The following ERCC2 variants were observed in gnomAD, a reference collection of about 807,000 sequenced individuals.
The protein encoded by ERCC2 is ERCC excision repair 2, TFIIH core complex helicase subunit.
A neutral mutation model predicts 99.4 loss-of-function variants in ERCC2; 90 were observed. That is an observed-to-expected ratio of 0.91 (90% CI 0.76 to 1.08). ERCC2 has a LOEUF of 1.08. Among genes scored for constraint, ERCC2 ranks in the 50% least tolerant of loss-of-function variants. The probability of loss-of-function intolerance (pLI) is 0.00; values close to 1 mark genes in which losing one functional copy is unlikely to be tolerated. For missense variants in ERCC2, 993 were observed against 1,038.1 expected (o/e 0.96, Z 0.60); for synonymous variants, 497 against 432.4 (o/e 1.15, Z -1.85).
In ERCC2 at chr19:45,353,112, C is replaced by T. The variant is rs140522180; in HGVS notation, c.1802G>A (p.Arg601Gln). The T allele has an allele frequency of 3.2e-4, 509 of 1,613,290 alleles. No homozygotes were observed. The highest frequency in any genetic ancestry group is 4.1e-4 in the Non-Finnish European group (478 of 1,179,836). The change falls in exon 19 of 23, where the codon CGG becomes CAG. Residue 601 changes from arginine (R) to glutamine (Q), a missense_variant. Arg to Gln is a conservative substitution (Grantham distance 43). Coordinates refer to ENST00000391945, the MANE Select transcript of ERCC2 (RefSeq NM_000400.4). ...GRGAILLSVA[R>Q]GKVSEGIDFV... ...GTCGATTCCCTCGGACACTTTGCCC[C>T]GGGCCACTGACAGCAGGATGGCCCC...
At chr19:45,360,810 C>A (rs931786884) in intron 12 of ERCC2, among the ~76,000 whole-genome samples, 1 of 152,036 alleles carries the variant, frequency 6.6e-6, no homozygotes, top group African/African-American at 2.4e-5. Flanking sequence ...TGAGCCACTG[C>A]GTTCAGCACC....
rs1205150950 is a variant in ERCC2, at chr19:45,351,159, T to G, written c.*470A>C. ...AAGAGACCCAGGACAGGAGCAAAGA[T>G]GGGTTTTACTTGGGGTAGAGGCGAG... On this transcript the variant is annotated 3_prime_UTR_variant, in exon 23 of 23. Coordinates refer to ENST00000391945, the MANE Select transcript of ERCC2 (RefSeq NM_000400.4). 6.3e-7 allele frequency: 1 copy of G among 1,590,420 alleles called. No individual in the cohort carries two copies. Among genetic ancestry groups the G allele is most frequent in the East Asian group, 2.2e-5 (1 of 44,640 alleles).
intron 7 of ERCC2, 95 bp from the exon 8 acceptor site, chr19:45,364,642 G>T: frequency 6.4e-7 from 1 of 1,561,328 alleles, no homozygotes; most frequent in Non-Finnish European, 8.7e-7. Flanking sequence ...ACACAGGCCT[G>T]CACAGGCAGA....
chr19:45,353,341 AAGGACCCAGGGAGGTCAGGGTGGGTTC>A lies in ERCC2; in HGVS notation c.1666-34_1666-8del, dbSNP rs1335692983. On this transcript the variant is annotated splice_polypyrimidine_tract_variant and splice_region_variant and intron_variant, in intron 17 of 22. Coordinates refer to ENST00000391945, the MANE Select transcript of ERCC2 (RefSeq NM_000400.4). ...GGATGTTCTCAAGGATCCCCTGGGG[AAGGACCCAGGGAGGTCAGGGTGGGTTC>A]AGGGCACAGCCATCCTGGTTACATC... is the stretch of plus-strand genomic sequence containing the variant. 6.2e-7 allele frequency: 1 copy of A among 1,609,836 alleles called. No individual in the cohort carries two copies. The highest frequency in any genetic ancestry group is 1.1e-5 in the South Asian group (1 of 90,730).
At chr19:45,354,975 T>C in intron 16 of ERCC2, 124 bp from the exon 17 acceptor site, 3 of 1,192,898 alleles carry the variant, frequency 2.5e-6, no homozygotes, top group Admixed American at 1.8e-5. Context: ...CATATCCCCC[T>C]CCTCCTCCTC....
At chr19:45,355,535 G>T in intron 16 of ERCC2, 130 bp downstream of exon 16, 3 of 873,386 alleles carry the variant, frequency 3.4e-6, no homozygotes, top group East Asian at 2.5e-5. Context: ...CGTGTACCAC[G>T]GGCAAGAAGG....
chr19:45,358,566 G>GC (rs1445793846), intron 12 of ERCC2: 3 of 439,962 alleles, frequency 6.8e-6, no homozygotes, highest in African/African-American at 6.0e-5. Context: ...GCCTCCAGTG[G>GC]CCTGGTGCCT....
chr19:45,368,844 C>G, intron 4 of ERCC2, 86 bp downstream of exon 4: 1 of 1,575,786 alleles, frequency 6.3e-7, no homozygotes, highest in Middle Eastern at 1.7e-4. Context: ...CAAACACCCC[C>G]GAAAGCTGGT....
Position 45,364,567 on chromosome 19 carries a change from G to A in ERCC2, c.595-20C>T. On this transcript the variant is annotated intron_variant, in intron 7 of 22. Coordinates refer to ENST00000391945, the MANE Select transcript of ERCC2 (RefSeq NM_000400.4). Reference sequence around the variant, plus strand: ...CAGGATCTGGGGGGCCGGGGAGCAGGGTTACCAGGGCCCTGCCACCCCAAC... The same window carrying A: ...CAGGATCTGGGGGGCCGGGGAGCAGAGTTACCAGGGCCCTGCCACCCCAAC... The A allele has an allele frequency of 1.9e-6, 3 of 1,611,458 alleles. No homozygotes were observed. The highest frequency in any genetic ancestry group is 2.5e-6 in the Non-Finnish European group (3 of 1,179,944).
At chr19:45,357,148 C>A in intron 15 of ERCC2, 122 bp downstream of exon 15, 3 of 701,058 alleles carry the variant, frequency 4.3e-6, no homozygotes, top group South Asian at 1.7e-5. Context: ...CTGTCTGAAT[C>A]CCGAACCCAG....
rs200438494 is a variant in ERCC2, at chr19:45,352,537, G to A, written c.2015C>T (p.Thr672Met). Reference protein sequence around the residue: ...QCVGRAIRGKTDYGLMVFADK... With the variant: ...QCVGRAIRGKMDYGLMVFADK... Reference sequence around the variant, plus strand: ...GGCAAAGACCATGAGGCCGTAGTCCGTCTTGCCCCTGATGGCCCGACCCAC... The same window carrying A: ...GGCAAAGACCATGAGGCCGTAGTCCATCTTGCCCCTGATGGCCCGACCCAC... The change falls in exon 21 of 23, where the codon ACG becomes ATG. Residue 672 changes from threonine to methionine, a missense_variant. By Grantham distance (81) the Thr-to-Met change is moderately conservative. Around this residue, in one of 3 missense-constraint regions of ERCC2, gnomAD observed 909 missense variants for 930.8 expected, o/e 0.98. Transcript: ENST00000391945. 3.1e-5 allele frequency: 50 copies of A among 1,614,036 alleles called. No individual in the cohort carries two copies. Among genetic ancestry groups the A allele is most frequent in the African/African-American group, 9.3e-5 (7 of 74,940 alleles).
chr19:45,354,018 G>A (rs3916872), intron 17 of ERCC2, among the ~76,000 whole-genome samples: 7 of 152,160 alleles, frequency 4.6e-5, no homozygotes, highest in Admixed American at 6.5e-5. Flanking sequence ...CGTGGAAGCC[G>A]CCTATTGAAG....
chr19:45,361,110 A>G (rs1304498283), intron 12 of ERCC2, among the ~76,000 whole-genome samples: 1 of 150,776 alleles, frequency 6.6e-6, no homozygotes, highest in South Asian at 2.1e-4. Context: ...CAGCCTGGCA[A>G]CAGAGCAAGA....
intron 22 of ERCC2, 129 bp from the exon 23 acceptor site, chr19:45,351,850 C>A: frequency 1.2e-6 from 1 of 822,828 alleles, no homozygotes; most frequent in Non-Finnish European, 2.0e-6. Flanking sequence ...TGGAGATGTC[C>A]GTATAATCCA....
rs373292179 is a variant in ERCC2 at position 45,368,944 on chromosome 19, G to A, written c.232C>T (p.Pro78Ser). ...TCCCAGCTTACCTTCTCAATCTCTG[G>A]CACAGTTCTTGAGCAGTAGATGAGT... ...TKLIYCSRTV[P>S]EIEKVIEELR... The change falls in exon 4 of 23, where the codon CCA (proline) becomes TCA (serine). Residue 78 changes from proline to serine, a missense_variant. Pro to Ser is a moderately conservative substitution (Grantham distance 74). Transcript: ENST00000391945. 4.3e-6 allele frequency: 7 copies of A among 1,614,148 alleles called. No individual in the cohort carries two copies. In the African/African-American group the frequency reaches 8.0e-5, roughly 18 times the overall value.
intron 1 of ERCC2, 39 bp from the exon 2 acceptor site, chr19:45,370,271 A>G (rs749098818): frequency 1.1e-5 from 17 of 1,608,146 alleles, no homozygotes; most frequent in Non-Finnish European, 1.4e-5. Flanking sequence ...CCGTCCCCTC[A>G]GCCCCTCTCC....
rs773359656 is a variant in ERCC2 at position 45,352,646 on chromosome 19, G to A, written c.1906C>T (p.Arg636Trp). 1.8e-5 allele frequency: 29 copies of A among 1,613,934 alleles called. No individual in the cohort carries two copies. The highest frequency in any genetic ancestry group is 5.5e-5 in the South Asian group (5 of 91,082). Reference sequence around the variant, plus strand: ...AACTGGTCCCGCAGGTATTCCAGCCGCGCCTGCAGATACGGAGGATGAGAA... The same window carrying A: ...AACTGGTCCCGCAGGTATTCCAGCCACGCCTGCAGATACGGAGGATGAGAA... ...VYTQSRILKARLEYLRDQFQI... is the reference protein window; with the variant it reads ...VYTQSRILKAWLEYLRDQFQI... Residue 636 changes from arginine (R) to tryptophan (W), a missense_variant, in exon 21 of 23, where the codon CGG becomes TGG. Physicochemically the swap from Arg to Trp is moderately radical, Grantham distance 101. Coordinates refer to ENST00000391945, the MANE Select transcript of ERCC2 (RefSeq NM_000400.4).
chr19:45,355,440 C>T (rs1971980048), intron 16 of ERCC2, among the ~76,000 whole-genome samples: 1 of 152,234 alleles, frequency 6.6e-6, no homozygotes, highest in African/African-American at 2.4e-5. Flanking sequence ...TCCCACCTGT[C>T]ACATTATGCT....
At chr19:45,354,600 A>G (rs1377233559) in intron 17 of ERCC2, 130 bp downstream of exon 17, 2 of 1,194,360 alleles carry the variant, frequency 1.7e-6, no homozygotes, top group African/African-American at 3.0e-5. Context: ...CCATTCCTAC[A>G]TGCTGCACAC....
Sources: gnomAD v4.1 joint callset for allele counts (sites outside exome capture counted in the v4.1 genomes callset) on GRCh38, gnomAD v4.1.1 for gene constraint, gnomAD v4.1.1 regional missense constraint, MANE v1.5 for transcripts, NCBI Gene and HGNC (gene_info 2026-07-23, HGNC 2026-07-21) for gene names.